The following APOA1 variants were observed in gnomAD, a reference collection of about 807,000 sequenced individuals.
The protein encoded by APOA1 is apolipoprotein A-I.
In APOA1, 22 loss-of-function variants were observed where a neutral mutation model predicts 25.9. The observed-to-expected ratio is 0.85, with a 90% CI of 0.61 to 1.21. The LOEUF is 1.21. Ranked by LOEUF, APOA1 falls within the 50% of genes most tolerant of loss-of-function variation. The pLI is 0.00. For synonymous variants in APOA1, 163 were observed against 152.2 expected (o/e 1.07, Z -0.52); for missense variants, 351 against 347.9 (o/e 1.01, Z -0.07).
At chr11:116,837,287 C>G in intron 2 of APOA1, 58 bp downstream of exon 2, 1 of 1,591,082 alleles carries the variant, frequency 6.3e-7, no homozygotes, top group Non-Finnish European at 8.6e-7. Flanking sequence ...GGGTGGGCCA[C>G]GGGGATTTAG....
chr11:116,836,055 T>TGCGTGCGCAGCGCGTCCACATGG lies in APOA1; in HGVS notation c.534_556dup (p.His186ProfsTer47), dbSNP rs1298601813. The TGCGTGCGCAGCGCGTCCACATGG allele has an allele frequency of 6.2e-7, 1 of 1,605,414 alleles. No individual in the cohort carries two copies. The highest frequency in any genetic ancestry group is 1.1e-5 in the South Asian group (1 of 90,948). On this transcript the variant is annotated frameshift_variant, in exon 4 of 4. Coordinates refer to ENST00000236850, the MANE Select transcript of APOA1 (RefSeq NM_000039.3). LOFTEE classifies it high-confidence loss of function. ...CAGCTCGTCGCTGTAGGGGGCCAGA[T>TGCGTGCGCAGCGCGTCCACATGG]GCGTGCGCAGCGCGTCCACATGGGC...
chr11:116,836,534 C>G, intron 3 of APOA1, 123 bp from the exon 4 acceptor site: 1 of 1,314,384 alleles, frequency 7.6e-7, no homozygotes, highest in Non-Finnish European at 1.1e-6. Flanking sequence ...ACACTCTCAA[C>G]CAACACCCCT....
chr11:116,836,110 G>A lies in APOA1; in HGVS notation c.502C>T (p.Leu168=), dbSNP rs764591376. Reference sequence around the variant, plus strand: ...GCGCGGTCGCGCATCTCCTCGCCCAGTGGGCTCAGCTTCTCTTGCAGCTCG... The same window carrying A: ...GCGCGGTCGCGCATCTCCTCGCCCAATGGGCTCAGCTTCTCTTGCAGCTCG... The part of the protein sequence containing the change: ...LHELQEKLSP[L]GEEMRDRARA... The change falls in exon 4 of 4, where the codon CTG becomes TTG. Residue 168 remains leucine, a synonymous_variant. Coordinates refer to ENST00000236850, the MANE Select transcript of APOA1 (RefSeq NM_000039.3). 3 of 1,611,382 alleles carry A rather than the reference G, an allele frequency of 1.9e-6. No homozygotes were observed. The highest frequency in any genetic ancestry group is 1.7e-5 in the Admixed American group (1 of 59,982).
intron 3 of APOA1, 85 bp from the exon 4 acceptor site, chr11:116,836,496 G>A: frequency 1.3e-6 from 2 of 1,555,328 alleles, no homozygotes; most frequent in Admixed American, 1.8e-5. Flanking sequence ...ACCTGTCCGC[G>A]GAGGTGCAGT....
At chr11:116,836,493 C>A in intron 3 of APOA1, 82 bp from the exon 4 acceptor site, 1 of 1,561,260 alleles carries the variant, frequency 6.4e-7, no homozygotes, top group Non-Finnish European at 8.7e-7. Context: ...GACACCTGTC[C>A]GCGGAGGTGC....
At position 116,836,325 on chromosome 11, in the gene APOA1, C is replaced by T. The variant is rs576348564; in HGVS notation, c.287G>A (p.Trp96Ter). ...EQLGPVTQEF[W>*]DNLEKETEGL... ...CTCTGTCTCCTTTTCCAGGTTATCCCAGAACTCCTGGGTCACAGGGCCGAG... is the reference window on the plus strand; with the variant it reads ...CTCTGTCTCCTTTTCCAGGTTATCCTAGAACTCCTGGGTCACAGGGCCGAG... The change falls in exon 4 of 4, where the codon TGG becomes TAG. Residue 96 changes from tryptophan (W) to a stop codon, truncating the protein, a stop_gained. Coordinates refer to ENST00000236850, the MANE Select transcript of APOA1 (RefSeq NM_000039.3). LOFTEE classifies it high-confidence loss of function. The T allele has an allele frequency of 6.2e-7, 1 of 1,614,180 alleles. No homozygotes were observed. The highest frequency in any genetic ancestry group is 2.2e-5 in the East Asian group (1 of 44,876).
Position 116,836,990 on chromosome 11 carries a change from TG to T in APOA1, c.200+10del. 2 of 1,613,982 alleles carry T rather than the reference TG, an allele frequency of 1.2e-6. No homozygotes were observed. The highest frequency in any genetic ancestry group is 1.7e-6 in the Non-Finnish European group (2 of 1,179,998). ...CCTACCCCTGCCCTCAACCCCAGGC[TG>T]GGTCCTTACTTTAGCTGTTTTCCCA... On this transcript the variant is annotated intron_variant, in intron 3 of 3. Transcript: ENST00000236850.
rs1276491554 is a variant in APOA1, at chr11:116,836,245, G to A, written c.367C>T (p.Pro123Ser). ...DLEEVKAKVQ[P>S]YLDDFQKKWQ... The stretch of plus-strand genomic sequence containing the variant: ...TTCTTCTGGAAGTCGTCCAGGTAGG[G>A]CTGCACCTTGGCCTTCACCTCCTCC... The change falls in exon 4 of 4, where the codon CCC becomes TCC. Residue 123 changes from proline (P) to serine (S), a missense_variant. Pro to Ser is a moderately conservative substitution (Grantham distance 74). Transcript: ENST00000236850. The A allele has an allele frequency of 3.1e-6, 5 of 1,614,042 alleles. No individual in the cohort carries two copies. Among genetic ancestry groups the A allele is most frequent in the African/African-American group, 1.3e-5 (1 of 74,928 alleles).
At position 116,836,923 on chromosome 11, in the gene APOA1, T is replaced by A; in HGVS notation, c.200+78A>T. ...AGCTCATCAGATATTAGGTGAGGAC[T>A]CGGCCAGTCTGGCTTCAACATCATC... On this transcript the variant is annotated intron_variant, in intron 3 of 3. Coordinates refer to ENST00000236850, the MANE Select transcript of APOA1 (RefSeq NM_000039.3). 5 of 1,503,604 alleles carry A rather than the reference T, an allele frequency of 3.3e-6. No homozygotes were observed. In the East Asian group the frequency reaches 1.1e-4, roughly 34 times the overall value. The allele number at this position is 1,503,604 out of a possible 1,614,324, so 93.1% of individuals were successfully genotyped here.
At chr11:116,836,456 C>G (rs560996322) in intron 3 of APOA1, 45 bp from the exon 4 acceptor site, 2 of 1,609,038 alleles carry the variant, frequency 1.2e-6, no homozygotes, top group East Asian at 2.2e-5. Context: ...TCCCAGCGCC[C>G]CAGCCTATCA....
In APOA1 at chr11:116,836,058, G is replaced by A; in HGVS notation, c.554C>T (p.Thr185Met). 1 of 1,605,090 alleles carries A rather than the reference G, an allele frequency of 6.2e-7. No homozygotes were observed. Among genetic ancestry groups the A allele is most frequent in the Non-Finnish European group, 8.5e-7 (1 of 1,178,408 alleles). ...CTCGTCGCTGTAGGGGGCCAGATGCGTGCGCAGCGCGTCCACATGGGCGCG... is the reference window on the plus strand; with the variant it reads ...CTCGTCGCTGTAGGGGGCCAGATGCATGCGCAGCGCGTCCACATGGGCGCG... ...RARAHVDALR[T>M]HLAPYSDELR... The change falls in exon 4 of 4, where the codon ACG becomes ATG. Residue 185 changes from threonine to methionine, a missense_variant. Transcript: ENST00000236850.
In APOA1 at chr11:116,836,027, G is replaced by C; in HGVS notation, c.585C>G (p.Arg195=). ...THLAPYSDEL[R]QRLAARLEAL... ...CCTCAAGGCGCGCGGCCAAGCGCTG[G>C]CGCAGCTCGTCGCTGTAGGGGGCCA... Residue 195 remains arginine (R), a synonymous_variant, in exon 4 of 4, where the codon CGC becomes CGG. Transcript: ENST00000236850. The C allele has an allele frequency of 6.2e-7, 1 of 1,606,580 alleles. No homozygotes were observed. The highest frequency in any genetic ancestry group is 8.5e-7 in the Non-Finnish European group (1 of 1,179,570).
Position 116,837,153 on chromosome 11 carries a change from G to A in APOA1, c.48C>T (p.Ser16=), listed in dbSNP as rs1941573782. ...LTLAVLFLTG[S]QARHFWQQDE... is the part of the protein sequence containing the mutation. ...CTTGCTGCCAGAAATGCCGAGCCTG[G>A]CTCCCTGAGGGTGGGAGGGGAGACC... The change falls in exon 3 of 4, where the codon AGC becomes AGT. Residue 16 remains serine, a synonymous_variant. Coordinates refer to ENST00000236850, the MANE Select transcript of APOA1 (RefSeq NM_000039.3). 1.2e-6 allele frequency: 2 copies of A among 1,611,970 alleles called. No individual in the cohort carries two copies. The highest frequency in any genetic ancestry group is 1.7e-5 in the Admixed American group (1 of 59,972).
At chr11:116,837,263 G>T in intron 2 of APOA1, 82 bp downstream of exon 2, 1 of 1,583,010 alleles carries the variant, frequency 6.3e-7, no homozygotes, top group Non-Finnish European at 8.7e-7. Context: ...GAAACCTGCT[G>T]CCTCTGCCCA....
At chr11:116,836,879 C>T in intron 3 of APOA1, 122 bp downstream of exon 3, 1 of 1,184,232 alleles carries the variant, frequency 8.4e-7, no homozygotes, top group Non-Finnish European at 1.2e-6. Flanking sequence ...TTTCTCCATC[C>T]AGACCATCTG....
chr11:116,837,247 C>T, intron 2 of APOA1, 90 bp from the exon 3 acceptor site: 2 of 1,578,870 alleles, frequency 1.3e-6, no homozygotes, highest in South Asian at 1.1e-5. Flanking sequence ...GAGAGGGGGC[C>T]AGTGAGAAAC....
In APOA1 at chr11:116,836,243, G is replaced by T. The variant is rs1175896851; in HGVS notation, c.369C>A (p.Pro123=). ...DLEEVKAKVQ[P]YLDDFQKKWQ... The stretch of plus-strand genomic sequence containing the variant: ...ACTTCTTCTGGAAGTCGTCCAGGTA[G>T]GGCTGCACCTTGGCCTTCACCTCCT... Residue 123 remains proline (P), a synonymous_variant, in exon 4 of 4, where the codon CCC becomes CCA. Transcript: ENST00000236850. 1 of 1,614,206 alleles carries T rather than the reference G, an allele frequency of 6.2e-7. No homozygotes were observed. Among genetic ancestry groups the T allele is most frequent in the South Asian group, 1.1e-5 (1 of 91,090 alleles).
Position 116,835,815 on chromosome 11 carries a change from G to GTGT in APOA1, c.794_796dup (p.Asn265dup), listed in dbSNP as rs747014491. Reference sequence around the variant, plus strand: ...GGGGCGGCGGCGGGCGCCTCACTGGGTGTTGAGCTTCTTAGTGTACTCCTC... The same window carrying GTGT: ...GGGGCGGCGGCGGGCGCCTCACTGGGTGTTGTTGAGCTTCTTAGTGTACTCCTC... On this transcript the variant is annotated inframe_insertion, in exon 4 of 4. Transcript: ENST00000236850. 19 of 1,612,992 alleles carry GTGT rather than the reference G, an allele frequency of 1.2e-5. No homozygotes were observed. The highest frequency in any genetic ancestry group is 6.7e-5 in the Admixed American group (4 of 60,010).
rs760566805 is a variant in APOA1 at position 116,835,860 on chromosome 11, A to T, written c.752T>A (p.Val251Asp). The T allele has an allele frequency of 3.1e-6, 5 of 1,613,098 alleles. No homozygotes were observed. Among genetic ancestry groups the T allele is most frequent in the Non-Finnish European group, 3.4e-6 (4 of 1,179,996 alleles). The change falls in exon 4 of 4, where the codon GTC (valine) becomes GAC (aspartate). Residue 251 changes from valine (V) to aspartate (D), a missense_variant. Coordinates refer to ENST00000236850, the MANE Select transcript of APOA1 (RefSeq NM_000039.3). ...GLLPVLESFKVSFLSALEEYT... is the reference protein window; with the variant it reads ...GLLPVLESFKDSFLSALEEYT... ...CTCCTCGAGAGCGCTCAGGAAGCTGACCTTGAAGCTCTCCAGCACGGGCAG... is the reference window on the plus strand; with the variant it reads ...CTCCTCGAGAGCGCTCAGGAAGCTGTCCTTGAAGCTCTCCAGCACGGGCAG...
Sources: allele counts gnomAD v4.1 joint callset, GRCh38; gene constraint gnomAD v4.1.1; transcripts MANE v1.5; gene names NCBI Gene and HGNC (gene_info 2026-07-23, HGNC 2026-07-21).